The following TNRC6A variants were observed in gnomAD, a reference collection of about 807,000 sequenced individuals.
The protein encoded by TNRC6A is trinucleotide repeat-containing gene 6A protein.
A neutral mutation model predicts 221.2 loss-of-function variants in TNRC6A; 44 were observed. The ratio of observed to expected loss-of-function variants is 0.20; its 90% CI spans 0.16 to 0.26. The LOEUF (loss-of-function observed/expected upper bound fraction) is 0.26, where lower values mean the gene tolerates loss of function less well. TNRC6A is among the 10% of genes least tolerant of loss of function. The pLI is 1.00. For synonymous variants in TNRC6A, 847 were observed against 838.5 expected, an observed-to-expected ratio of 1.01 and a Z score of -0.18; for missense variants, 2,199 against 2,404.4, an observed-to-expected ratio of 0.91 and a Z score of 1.79.
At chr16:24,797,670 T>A in intron 10 of TNRC6A, 100 bp downstream of exon 10, 1 of 1,094,612 alleles carries the variant, frequency 9.1e-7, no homozygotes, top group Non-Finnish European at 1.3e-6. Flanking sequence ...CTTCGAGTCC[T>A]TAGGAATGTA....
chr16:24,807,930 G>A (rs2058468311), intron 17 of TNRC6A, among the ~76,000 whole-genome samples: 1 of 152,218 alleles, frequency 6.6e-6, no homozygotes, highest in East Asian at 1.9e-4. Context: ...TGCCCCTGCT[G>A]CTGCCTCACT....
intron 5 of TNRC6A, among the ~76,000 whole-genome samples, chr16:24,777,648 T>G (rs1194571600): frequency 6.6e-6 from 1 of 152,196 alleles, no homozygotes; most frequent in Non-Finnish European, 1.5e-5. Context: ...TTGAGCACCC[T>G]TCCCCCCAGG....
chr16:24,632,643 C>A (rs550812638), intron 1 of TNRC6A, among the ~76,000 whole-genome samples: 2 of 152,252 alleles, frequency 1.3e-5, no homozygotes, highest in African/African-American at 4.8e-5. Context: ...CCCCCAGAGT[C>A]TTCTAAAATC....
At chr16:24,676,734 G>A (rs1424421976) in intron 2 of TNRC6A, among the ~76,000 whole-genome samples, 9 of 152,110 alleles carry the variant, frequency 5.9e-5, no homozygotes, top group Admixed American at 3.3e-4. Flanking sequence ...GATTATAGGC[G>A]TGAGCTACTG....
rs551499540 is a variant in TNRC6A at position 24,690,242 on chromosome 16, T to C, written n.402+49233T>C. ...CCAAGCTGGTCTCAAACTCCTGACC[T>C]TAAGTGATCCTCCCATCTCAGTGTC... is the stretch of plus-strand genomic sequence containing the variant. On this transcript the variant is annotated intron_variant and non_coding_transcript_variant, in intron 2 of 2. Coordinates refer to the TNRC6A transcript ENST00000566108. Among the ~76,000 whole-genome samples, 16 of 152,070 alleles carry C rather than the reference T, an allele frequency of 1.1e-4. No individual in the cohort carries two copies. In the South Asian group the frequency reaches 2.9e-3, roughly 28 times the overall value.
At chr16:24,696,254 A>G (rs995155610) in intron 2 of TNRC6A, among the ~76,000 whole-genome samples, 5 of 151,214 alleles carry the variant, frequency 3.3e-5, no homozygotes, top group African/African-American at 1.2e-4. Context: ...AGGCTGAGGC[A>G]GGAGAATGGC....
At chr16:24,817,694 C>T (rs756823565) in intron 20 of TNRC6A, among the ~76,000 whole-genome samples, 30 of 152,132 alleles carry the variant, frequency 2.0e-4, no homozygotes, top group Non-Finnish European at 4.4e-4. Flanking sequence ...TTTTAAAATA[C>T]CATCTATACC....
At chr16:24,704,290 G>C (rs1416245487) in intron 2 of TNRC6A, among the ~76,000 whole-genome samples, 4 of 151,780 alleles carry the variant, frequency 2.6e-5, no homozygotes, top group Non-Finnish European at 5.9e-5. Context: ...CTGGTGGGGG[G>C]CGGGAGGGCA....
At chr16:24,792,699 A>G (rs1026214038) in intron 6 of TNRC6A, among the ~76,000 whole-genome samples, 1 of 142,696 alleles carries the variant, frequency 7.0e-6, no homozygotes, top group African/African-American at 2.7e-5. Flanking sequence ...CAGCATATGT[A>G]AAAAGTAGGT....
chr16:24,633,672 C>T (rs1445930658), intron 1 of TNRC6A, among the ~76,000 whole-genome samples: 1 of 152,170 alleles, frequency 6.6e-6, no homozygotes, highest in Non-Finnish European at 1.5e-5. Flanking sequence ...GGATTACAGG[C>T]GTGAGCCACT....
chr16:24,794,577 A>G lies in TNRC6A; in HGVS notation c.3386A>G (p.Asp1129Gly), dbSNP rs2058179403. The G allele has an allele frequency of 1.9e-6, 3 of 1,613,966 alleles. No homozygotes were observed. Among genetic ancestry groups the G allele is most frequent in the African/African-American group, 1.3e-5 (1 of 75,044 alleles). ...TCTATGCAAGATGGCTGGTGTGGTG[A>G]TGATATGCCATTGCCTGGAAATCGC... ...PKSMQDGWCGDDMPLPGNRPT... is the reference protein window; with the variant it reads ...PKSMQDGWCGGDMPLPGNRPT... The change falls in exon 8 of 25, where the codon GAT becomes GGT. Residue 1129 changes from aspartate (D) to glycine (G), a missense_variant. Around this residue, in one of 8 missense-constraint regions of TNRC6A, gnomAD observed 1,405 missense variants for 1,400.2 expected, o/e 1.00. Coordinates refer to ENST00000395799, the MANE Select transcript of TNRC6A (RefSeq NM_014494.4).
intron 2 of TNRC6A, among the ~76,000 whole-genome samples, chr16:24,687,916 TTTCTTTTC>T (rs1487547125): frequency 1.4e-5 from 1 of 71,376 alleles, no homozygotes; most frequent in African/African-American, 1.1e-4. Flanking sequence ...ACATGCTTCT[TTTCTTTTC>T]TTTTCTTTTC....
chr16:24,786,300 T>TTG (rs1555504640), intron 5 of TNRC6A, among the ~76,000 whole-genome samples: 5 of 116,858 alleles, frequency 4.3e-5, no homozygotes, highest in African/African-American at 1.3e-4. Flanking sequence ...TTTGTTTTTT[T>TTG]TTGTTGTTGT....
intron 2 of TNRC6A, among the ~76,000 whole-genome samples, chr16:24,668,509 G>C (rs1367927557): frequency 6.6e-6 from 1 of 152,020 alleles, no homozygotes; most frequent in Admixed American, 6.6e-5. Context: ...TCCCCCACTG[G>C]GCTTCAGTGC....
At chr16:24,807,202 A>G (rs962474666) in intron 17 of TNRC6A, among the ~76,000 whole-genome samples, 1 of 151,970 alleles carries the variant, frequency 6.6e-6, no homozygotes, top group Admixed American at 6.6e-5. Context: ...TTGGGGTTTC[A>G]CCATGTTGGC....
chr16:24,631,659 C>A (rs1388032550), intron 1 of TNRC6A, among the ~76,000 whole-genome samples: 1 of 151,938 alleles, frequency 6.6e-6, no homozygotes, highest in Non-Finnish European at 1.5e-5. Flanking sequence ...GTAGTCCTAG[C>A]TGCTTGGGAG....
chr16:24,696,117 G>A (rs934687518), intron 2 of TNRC6A, among the ~76,000 whole-genome samples: 1 of 152,082 alleles, frequency 6.6e-6, no homozygotes. Flanking sequence ...GGGAGGCCGA[G>A]GCGGGTGGAT....
chr16:24,643,281 T>C (rs1469972894), intron 2 of TNRC6A, among the ~76,000 whole-genome samples: 1 of 151,232 alleles, frequency 6.6e-6, no homozygotes, highest in Non-Finnish European at 1.5e-5. Flanking sequence ...CTTCTTTCCT[T>C]TTGTCATCAG....
intron 2 of TNRC6A, among the ~76,000 whole-genome samples, chr16:24,683,144 G>A (rs1030815908): frequency 2.0e-5 from 3 of 152,140 alleles, no homozygotes; most frequent in African/African-American, 7.2e-5. Context: ...AACAGCTCTA[G>A]TGGCAGGAAA....
Sources: gnomAD v4.1 joint callset for allele counts (sites outside exome capture counted in the v4.1 genomes callset) on GRCh38, gnomAD v4.1.1 for gene constraint, gnomAD v4.1.1 regional missense constraint, MANE v1.5 for transcripts, NCBI Gene and HGNC (gene_info 2026-07-23, HGNC 2026-07-21) for gene names.